The following KLHL1 variants were observed in gnomAD, a reference collection of about 807,000 sequenced individuals.
KLHL1 encodes the protein kelch like family member 1.
KLHL1 carries 47 observed loss-of-function variants against 77.7 expected under a neutral mutation model. The ratio of observed to expected loss-of-function variants is 0.60; its 90% CI spans 0.48 to 0.77. KLHL1 has a LOEUF of 0.77. Ranked by LOEUF, KLHL1 falls within the 30% of genes least tolerant of loss-of-function variation. KLHL1 has a pLI of 0.00. For synonymous variants in KLHL1, 360 were observed against 325.2 expected (o/e 1.11, Z -1.15); for missense variants, 925 against 910.8 (o/e 1.02, Z -0.20).
intron 2 of KLHL1, among the ~76,000 whole-genome samples, chr13:69,969,760 T>A (rs1028506685): frequency 3.9e-4 from 60 of 152,230 alleles, no homozygotes; most frequent in African/African-American, 1.4e-3. Context: ...ATGGATTAAA[T>A]TTTAGAAGAG....
intron 1 of KLHL1, among the ~76,000 whole-genome samples, chr13:70,003,165 A>T (rs1885336698): frequency 6.6e-6 from 1 of 151,744 alleles, no homozygotes; most frequent in East Asian, 1.9e-4. Context: ...ATGAGCATAC[A>T]AACTACAAAT....
intron 6 of KLHL1, among the ~76,000 whole-genome samples, chr13:69,822,802 T>G (rs537527571): frequency 1.1e-4 from 17 of 152,264 alleles, no homozygotes; most frequent in African/African-American, 3.6e-4. Flanking sequence ...AATAACTGGT[T>G]TAATATAATT....
intron 5 of KLHL1, among the ~76,000 whole-genome samples, chr13:69,875,154 A>G (rs1381633728): frequency 6.6e-6 from 1 of 152,110 alleles, no homozygotes; most frequent in Non-Finnish European, 1.5e-5. Context: ...AAATTACACC[A>G]TAGAGGAGTT....
In KLHL1 at chr13:69,827,226, G is replaced by C. The variant is rs537012390; in HGVS notation, c.1414+11750C>G. On this transcript the variant is annotated intron_variant, in intron 6 of 10. Transcript: ENST00000377844. Reference sequence around the variant, plus strand: ...TAAAACATGAAATGGAAATATAATAGAGCATATTTAATTTTGTCAATTATA... The same window carrying C: ...TAAAACATGAAATGGAAATATAATACAGCATATTTAATTTTGTCAATTATA... Among the ~76,000 whole-genome samples, 3 of 151,574 alleles carry C rather than the reference G, an allele frequency of 2.0e-5. No homozygotes were observed. The East Asian group carries it at 5.8e-4, about 29-fold the overall frequency.
chr13:69,771,804 G>A (rs1875581854), intron 7 of KLHL1, among the ~76,000 whole-genome samples: 1 of 152,012 alleles, frequency 6.6e-6, no homozygotes, highest in Non-Finnish European at 1.5e-5. Flanking sequence ...TGTAATATTT[G>A]TCTTTTACTC....
intron 7 of KLHL1, among the ~76,000 whole-genome samples, chr13:69,764,947 T>C (rs1875213703): frequency 3.8e-5 from 3 of 79,268 alleles, no homozygotes; most frequent in Admixed American, 1.3e-4. Context: ...TTTTTTTTTT[T>C]TTTTTTTTTT....
At chr13:70,048,015 GTTTTCATTACT>G (rs1886543958) in intron 1 of KLHL1, among the ~76,000 whole-genome samples, 1 of 152,100 alleles carries the variant, frequency 6.6e-6, no homozygotes, top group South Asian at 2.1e-4. Context: ...CCTAAGATAT[GTTTTCATTACT>G]TTTTCTGTGC....
intron 1 of KLHL1, among the ~76,000 whole-genome samples, chr13:70,074,591 G>T (rs1182244505): frequency 6.6e-6 from 1 of 151,876 alleles, no homozygotes; most frequent in Non-Finnish European, 1.5e-5. Context: ...AGAAATGTAG[G>T]GTTAAACAAT....
At chr13:70,028,583 G>T (rs2137362393) in intron 1 of KLHL1, among the ~76,000 whole-genome samples, 1 of 152,206 alleles carries the variant, frequency 6.6e-6, no homozygotes, top group African/African-American at 2.4e-5. Flanking sequence ...ATCATTAAAG[G>T]TGGCCAACAA....
intron 7 of KLHL1, among the ~76,000 whole-genome samples, chr13:69,776,138 A>G (rs939777958): frequency 6.6e-5 from 10 of 151,956 alleles, no homozygotes; most frequent in African/African-American, 2.4e-4. Flanking sequence ...CCTGGGCGAC[A>G]GAGTGAGACT....
At chr13:69,708,659 A>G (rs1593761247) in intron 9 of KLHL1, among the ~76,000 whole-genome samples, 1 of 152,028 alleles carries the variant, frequency 6.6e-6, no homozygotes, top group African/African-American at 2.4e-5. Context: ...CATATACTAC[A>G]TACAAATATT....
intron 7 of KLHL1, among the ~76,000 whole-genome samples, chr13:69,752,074 A>T (rs1262418552): frequency 6.6e-6 from 1 of 152,116 alleles, no homozygotes; most frequent in Non-Finnish European, 1.5e-5. Flanking sequence ...TCTAACCCAT[A>T]GTGTTGTTAC....
intron 3 of KLHL1, among the ~76,000 whole-genome samples, chr13:69,948,103 A>G (rs952751469): frequency 1.3e-5 from 2 of 152,082 alleles, no homozygotes; most frequent in African/African-American, 4.8e-5. Context: ...TTCAAAAAAA[A>G]ATGAAATGTT....
At chr13:69,939,334 TAC>T (rs1883279004) in intron 4 of KLHL1, among the ~76,000 whole-genome samples, 2 of 75,560 alleles carry the variant, frequency 2.6e-5, no homozygotes, top group African/African-American at 5.7e-5. Flanking sequence ...TATATACATA[TAC>T]ATACATATAT....
chr13:70,102,799 A>G (rs892813487), intron 1 of KLHL1, among the ~76,000 whole-genome samples: 1 of 152,228 alleles, frequency 6.6e-6, no homozygotes, highest in Non-Finnish European at 1.5e-5. Flanking sequence ...GCATATAAAT[A>G]TTCAACATGC....
intron 1 of KLHL1, among the ~76,000 whole-genome samples, chr13:69,995,210 T>G (rs1362594107): frequency 1.3e-5 from 2 of 152,146 alleles, no homozygotes; most frequent in African/African-American, 4.8e-5. Flanking sequence ...GCCTACACTA[T>G]TATTTACTAT....
intron 1 of KLHL1, among the ~76,000 whole-genome samples, chr13:70,098,538 A>G (rs968726553): frequency 6.6e-6 from 1 of 151,866 alleles, no homozygotes; most frequent in African/African-American, 2.4e-5. Flanking sequence ...AAATATTGAT[A>G]ATATTTGAAA....
chr13:70,069,894 C>A (rs766206536), intron 1 of KLHL1, among the ~76,000 whole-genome samples: 1 of 151,660 alleles, frequency 6.6e-6, no homozygotes, highest in Non-Finnish European at 1.5e-5. Context: ...TGAGGCCGGG[C>A]ACGGTGGCTC....
intron 1 of KLHL1, among the ~76,000 whole-genome samples, chr13:70,104,293 G>A (rs1389460476): frequency 6.6e-6 from 1 of 152,262 alleles, no homozygotes; most frequent in East Asian, 1.9e-4. Flanking sequence ...TTTATTTAGG[G>A]TGGGATGCAG....
Sources: allele counts gnomAD v4.1 joint callset (sites outside exome capture counted in the v4.1 genomes callset), GRCh38; gene constraint gnomAD v4.1.1; transcripts MANE v1.5; gene names NCBI Gene and HGNC (gene_info 2026-07-23, HGNC 2026-07-21).